FBXL4: variants seen among roughly 807,000 people sequenced by gnomAD.
The protein encoded by FBXL4 is F-box/LRR-repeat protein 4.
A neutral mutation model predicts 58.9 loss-of-function variants in FBXL4; 40 were observed. The ratio of observed to expected loss-of-function variants is 0.68; its 90% CI spans 0.53 to 0.88. The LOEUF (loss-of-function observed/expected upper bound fraction) is 0.88. Ranked by LOEUF, FBXL4 falls within the 40% of genes least tolerant of loss-of-function variation. FBXL4 has a pLI of 0.00. For missense variants in FBXL4, 676 were observed against 734.4 expected (o/e 0.92, Z 0.92); for synonymous variants, 263 against 265.5 (o/e 0.99, Z 0.09).
intron 6 of FBXL4, 38 bp from the exon 7 acceptor site, chr6:98,899,519 A>G: frequency 6.3e-7 from 1 of 1,582,768 alleles, no homozygotes; most frequent in Non-Finnish European, 8.6e-7. Flanking sequence ...TTATAAAACT[A>G]AAAGATATTT....
intron 7 of FBXL4, among the ~76,000 whole-genome samples, chr6:98,886,790 T>C (rs994116197): frequency 6.6e-6 from 1 of 152,288 alleles, no homozygotes; most frequent in South Asian, 2.1e-4. Flanking sequence ...TTTTGGTATA[T>C]CTGCCCAAAA....
At chr6:98,928,381 T>G (rs1197150982) in intron 2 of FBXL4, among the ~76,000 whole-genome samples, 2 of 151,696 alleles carry the variant, frequency 1.3e-5, no homozygotes, top group Non-Finnish European at 2.9e-5. Flanking sequence ...CAGGCTGGAG[T>G]GCCCTGGCGC....
intron 7 of FBXL4, chr6:98,898,551 G>A (rs1463166023): frequency 1.1e-5 from 10 of 889,620 alleles, no homozygotes; most frequent in Non-Finnish European, 1.3e-5. Flanking sequence ...GTTTCAGTGA[G>A]CTGAGACCAT....
Position 98,917,452 on chromosome 6 carries a change from G to A in FBXL4, c.780C>T (p.Asp260=), listed in dbSNP as rs929955972. Residue 260 remains aspartate, a synonymous_variant, in exon 5 of 10, where the codon GAC becomes GAT. Coordinates refer to ENST00000369244, the MANE Select transcript of FBXL4 (RefSeq NM_001278716.2). The part of the protein sequence containing the change: ...AYAEKDGCGM[D]SLNKKFSSAV... ...CACTGCTAAACTTTTTGTTAAGACTGTCCATTCCACAACCATCCTTTTCTG... is the reference window on the plus strand; with the variant it reads ...CACTGCTAAACTTTTTGTTAAGACTATCCATTCCACAACCATCCTTTTCTG... 8.1e-6 allele frequency: 13 copies of A among 1,613,868 alleles called. No homozygotes were observed. Among genetic ancestry groups the A allele is most frequent in the Non-Finnish European group, 1.1e-5 (13 of 1,179,942 alleles).
chr6:98,870,651 TCAAAA>T lies in FBXL4; in HGVS notation c.*3622_*3626del, dbSNP rs1162618941. On this transcript the variant is annotated 3_prime_UTR_variant, in exon 10 of 10. Coordinates refer to ENST00000369244, the MANE Select transcript of FBXL4 (RefSeq NM_001278716.2). Reference sequence around the variant, plus strand: ...TTATTACTAGTGCTTACCCATAACATCAAAACAAGAGAAAAAAAGAAAAGTAGACT... The same window carrying T: ...TTATTACTAGTGCTTACCCATAACATCAAGAGAAAAAAAGAAAAGTAGACT... 1.3e-5 allele frequency: 2 copies of T among 152,016 alleles called. No homozygotes were observed. The highest frequency in any genetic ancestry group is 6.5e-5 in the Admixed American group (1 of 15,268). The allele number at this position is 152,016 out of a possible 1,614,324, so 9.4% of individuals were successfully genotyped here.
chr6:98,919,837 T>G (rs192966834), intron 4 of FBXL4, among the ~76,000 whole-genome samples: 2 of 152,290 alleles, frequency 1.3e-5, no homozygotes, highest in Non-Finnish European at 2.9e-5. Flanking sequence ...ATTCAAATTT[T>G]AGTCTTACTT....
At chr6:98,940,383 C>A (rs1773390210) in intron 1 of FBXL4, among the ~76,000 whole-genome samples, 1 of 152,168 alleles carries the variant, frequency 6.6e-6, no homozygotes, top group African/African-American at 2.4e-5. Context: ...TTTCTAGTAT[C>A]AAGCCATTTC....
At chr6:98,927,166 A>G (rs1772823553) in intron 3 of FBXL4, 106 bp from the exon 4 acceptor site, 5 of 544,228 alleles carry the variant, frequency 9.2e-6, no homozygotes, top group Admixed American at 3.5e-5. Flanking sequence ...TCTCAGAATG[A>G]AACTAAAAAA....
chr6:98,890,404 G>C (rs1386992173), intron 7 of FBXL4, among the ~76,000 whole-genome samples: 1 of 152,104 alleles, frequency 6.6e-6, no homozygotes, highest in East Asian at 1.9e-4. Context: ...AAACACATCA[G>C]AGCACTATCT....
intron 3 of FBXL4, among the ~76,000 whole-genome samples, chr6:98,927,371 T>A (rs573510957): frequency 2.2e-4 from 33 of 152,312 alleles, no homozygotes; most frequent in Admixed American, 4.6e-4. Flanking sequence ...AGTCTTTGAA[T>A]CTGAAAATTA....
At chr6:98,909,698 C>G (rs1450630144) in intron 5 of FBXL4, among the ~76,000 whole-genome samples, 1 of 152,178 alleles carries the variant, frequency 6.6e-6, no homozygotes, top group Non-Finnish European at 1.5e-5. Context: ...ACCGCAGAGC[C>G]CTGAGGAGCA....
Position 98,947,946 on chromosome 6 carries a change from G to A in FBXL4, c.-449C>T, listed in dbSNP as rs1193392849. ...AGCCCGGCCTAGCGCGACCCGGAAG[G>A]AAGACGCGGAGGCCGCGAGGAGCGG... On this transcript the variant is annotated 5_prime_UTR_variant, in exon 1 of 10. Coordinates refer to ENST00000369244, the MANE Select transcript of FBXL4 (RefSeq NM_001278716.2). 6.7e-6 allele frequency: 1 copy of A among 150,254 alleles called. No individual in the cohort carries two copies. The highest frequency in any genetic ancestry group is 1.5e-5 in the Non-Finnish European group (1 of 67,462). The allele number at this position is 150,254 out of a possible 1,614,324, so 9.3% of individuals were successfully genotyped here.
intron 7 of FBXL4, chr6:98,898,352 G>C: frequency 1.0e-6 from 1 of 985,392 alleles, no homozygotes. Context: ...CTTTAACCTA[G>C]CAATACCACC....
At chr6:98,935,050 G>A (rs1258242380) in intron 1 of FBXL4, among the ~76,000 whole-genome samples, 171 bp from the exon 2 acceptor site, 1 of 152,120 alleles carries the variant, frequency 6.6e-6, no homozygotes, top group Non-Finnish European at 1.5e-5. Context: ...CTAAGCAAGA[G>A]GTACCCAAGA....
intron 5 of FBXL4, among the ~76,000 whole-genome samples, chr6:98,909,691 G>A (rs534075168): frequency 2.6e-5 from 4 of 152,178 alleles, no homozygotes; most frequent in Non-Finnish European, 4.4e-5. Flanking sequence ...CAGACCCACC[G>A]CAGAGCCCTG....
chr6:98,911,871 C>T (rs1334992349), intron 5 of FBXL4, among the ~76,000 whole-genome samples: 2 of 152,134 alleles, frequency 1.3e-5, no homozygotes, highest in Non-Finnish European at 2.9e-5. Flanking sequence ...GACGATCAAA[C>T]TACTCCGAGC....
In FBXL4 at chr6:98,899,284, T is replaced by C; in HGVS notation, c.1301A>G (p.Tyr434Cys). ...TACTCTCACCTCTACTTTTGTTCGA[T>C]AGAGAACAAGTCGTTTAAGGCTGCA... ...KLCSLKRLVL[Y>C]RTKVEQTALL... The change falls in exon 7 of 10, where the codon TAT becomes TGT. Residue 434 changes from tyrosine to cysteine, a missense_variant. By Grantham distance (194) the Tyr-to-Cys change is radical (BLOSUM62 -2). Coordinates refer to ENST00000369244, the MANE Select transcript of FBXL4 (RefSeq NM_001278716.2). 1 of 1,613,946 alleles carries C rather than the reference T, an allele frequency of 6.2e-7. No individual in the cohort carries two copies. Among genetic ancestry groups the C allele is most frequent in the Non-Finnish European group, 8.5e-7 (1 of 1,179,888 alleles).
At chr6:98,877,205 G>A (rs1445912906) in intron 8 of FBXL4, among the ~76,000 whole-genome samples, 1 of 152,102 alleles carries the variant, frequency 6.6e-6, no homozygotes, top group African/African-American at 2.4e-5. Context: ...ATGTATGGTG[G>A]AATCATGCGG....
intron 7 of FBXL4, chr6:98,896,859 A>C: frequency 2.0e-6 from 2 of 985,174 alleles, no homozygotes; most frequent in Non-Finnish European, 2.4e-6. Context: ...TCCACTCTTC[A>C]GATATGAAAT....
Sources: allele counts gnomAD v4.1 joint callset (sites outside exome capture counted in the v4.1 genomes callset), GRCh38; gene constraint gnomAD v4.1.1; transcripts MANE v1.5; gene names NCBI Gene and HGNC (gene_info 2026-07-23, HGNC 2026-07-21).